Variants in AKAP9 observed in about 807,000 individuals in gnomAD.
The protein encoded by AKAP9 is A-kinase anchor protein 9.
A neutral mutation model predicts 488.5 loss-of-function variants in AKAP9; 311 were observed. The observed-to-expected ratio is 0.64, with a 90% CI of 0.58 to 0.70. The LOEUF is 0.70. AKAP9 is among the 30% of genes least tolerant of loss of function. The pLI is 0.00. For synonymous variants in AKAP9, 1,462 were observed against 1,483.5 expected (o/e 0.99, Z 0.33); for missense variants, 4,215 against 4,374.5 (o/e 0.96, Z 1.03).
chr7:92,058,196 A>T (rs983066740), intron 22 of AKAP9: 1 of 593,314 alleles, frequency 1.7e-6, no homozygotes, highest in African/African-American at 1.8e-5. Context: ...CTATTTGGCA[A>T]CTGTCAAAGT....
chr7:92,067,434 A>C (rs905735215), intron 26 of AKAP9, among the ~76,000 whole-genome samples: 32 of 144,870 alleles, frequency 2.2e-4, no homozygotes, highest in African/African-American at 8.4e-4. Flanking sequence ...ATTGCTGAGA[A>C]CTAGAATCAG....
chr7:92,080,414 C>T lies in AKAP9; in HGVS notation c.8019+262C>T, dbSNP rs950046883. Reference sequence around the variant, plus strand: ...GAGATCGAGACCATCCTGTCTAACACGGTGAAACCCCGTCTCTACTAAAAA... The same window carrying T: ...GAGATCGAGACCATCCTGTCTAACATGGTGAAACCCCGTCTCTACTAAAAA... On this transcript the variant is annotated intron_variant, in intron 31 of 49. Transcript: ENST00000356239. 9.9e-5 allele frequency among the ~76,000 whole-genome samples: 15 copies of T among 152,084 alleles called. No homozygotes were observed. In the East Asian group the frequency reaches 2.1e-3, roughly 22 times the overall value.
chr7:92,058,937 G>A (rs948539234), intron 22 of AKAP9, among the ~76,000 whole-genome samples: 3 of 151,770 alleles, frequency 2.0e-5, no homozygotes, highest in African/African-American at 4.8e-5. Flanking sequence ...ACCCTTTTCT[G>A]CTTTTTATAT....
chr7:92,052,609 TG>T, intron 21 of AKAP9, 116 bp from the exon 22 acceptor site: 1 of 682,680 alleles, frequency 1.5e-6, no homozygotes, highest in South Asian at 2.1e-5. Context: ...GTTGCAATAT[TG>T]TTTTAAAAGA....
At position 92,042,050 on chromosome 7, in the gene AKAP9, C is replaced by A. The variant is rs1306133822; in HGVS notation, c.4922C>A (p.Ser1641Tyr). The change falls in exon 19 of 50, where the codon TCC becomes TAC. Residue 1641 changes from serine to tyrosine, a missense_variant. By Grantham distance (144) the Ser-to-Tyr change is moderately radical. Coordinates refer to ENST00000356239, the MANE Select transcript of AKAP9 (RefSeq NM_005751.5). ...KRLNRQLAQRSSIDNENLVSE... is the reference protein window; with the variant it reads ...KRLNRQLAQRYSIDNENLVSE... ...ATGACCTTTTTTCTTATTTAGAGAT[C>A]CTCCATAGATAATGAAAACCTGGTT... 1 of 1,613,592 alleles carries A rather than the reference C, an allele frequency of 6.2e-7. No individual in the cohort carries two copies. The highest frequency in any genetic ancestry group is 1.7e-5 in the Admixed American group (1 of 59,964).
chr7:91,955,375 A>C (rs1270502278), intron 1 of AKAP9, among the ~76,000 whole-genome samples: 5 of 152,254 alleles, frequency 3.3e-5, no homozygotes, highest in Non-Finnish European at 7.3e-5. Context: ...AAGCATACAC[A>C]TACGAATATA....
At chr7:92,024,083 G>GCACATTTTA (rs1658599116) in intron 14 of AKAP9, among the ~76,000 whole-genome samples, 1 of 151,428 alleles carries the variant, frequency 6.6e-6, no homozygotes, top group South Asian at 2.1e-4. Context: ...TTATATGTAT[G>GCACATTTTA]TATACATTAT....
intron 35 of AKAP9, 70 bp from the exon 36 acceptor site, chr7:92,085,425 G>GTT (rs1044593364): frequency 1.3e-5 from 18 of 1,413,666 alleles, no homozygotes; most frequent in Non-Finnish European, 1.8e-5. Context: ...ATTTATTTCT[G>GTT]TTTGTAAGTC....
intron 1 of AKAP9, among the ~76,000 whole-genome samples, chr7:91,942,533 G>A (rs961784851): frequency 6.6e-6 from 1 of 152,190 alleles, no homozygotes; most frequent in Non-Finnish European, 1.5e-5. Flanking sequence ...CGGAAGTAGT[G>A]GAGGTGAAGT....
chr7:92,109,713 G>A (rs1048918071), intron 49 of AKAP9, among the ~76,000 whole-genome samples: 10 of 152,118 alleles, frequency 6.6e-5, no homozygotes, highest in African/African-American at 1.4e-4. Context: ...CGAGGCAGGC[G>A]GATCACTAGG....
chr7:92,035,511 A>G (rs753072761), intron 16 of AKAP9, among the ~76,000 whole-genome samples: 69 of 152,344 alleles, frequency 4.5e-4, no homozygotes, highest in African/African-American at 1.3e-3. Flanking sequence ...TATGCTGACA[A>G]TGAGTTCAAC....
chr7:92,078,057 T>G (rs1276254780), intron 30 of AKAP9, among the ~76,000 whole-genome samples, 182 bp downstream of exon 30: 1 of 152,072 alleles, frequency 6.6e-6, no homozygotes. Flanking sequence ...AGTCCAATGG[T>G]GCAACCTCGG....
rs1443552288 is a variant in AKAP9 at position 92,079,779 on chromosome 7, A to C, written c.7646A>C (p.Glu2549Ala). 6.2e-7 allele frequency: 1 copy of C among 1,614,088 alleles called. No homozygotes were observed. The highest frequency in any genetic ancestry group is 8.5e-7 in the Non-Finnish European group (1 of 1,179,984). The change falls in exon 31 of 50, where the codon GAA becomes GCA. Residue 2549 changes from glutamate to alanine, a missense_variant. Physicochemically the swap from Glu to Ala is moderately radical, Grantham distance 107. Transcript: ENST00000356239. Reference protein sequence around the residue: ...KIVNLQKIVEEKVAAALVSQI... With the variant: ...KIVNLQKIVEAKVAAALVSQI... ...GTAAACCTACAGAAAATAGTTGAAG[A>C]AAAAGTGGCTGCTGCTCTTGTCAGT...
At chr7:92,035,509 C>A (rs1410691750) in intron 16 of AKAP9, among the ~76,000 whole-genome samples, 1 of 152,158 alleles carries the variant, frequency 6.6e-6, no homozygotes, top group Non-Finnish European at 1.5e-5. Context: ...GGTATGCTGA[C>A]AATGAGTTCA....
At position 92,081,497 on chromosome 7, in the gene AKAP9, A is replaced by ATTTT. The variant is rs376611467; in HGVS notation, c.8020-1015_8020-1012dup. ...TTTATATATATATATATATATATAT[A>ATTTT]TTTTTTTTTTTTTAGTAGAGACGAG... On this transcript the variant is annotated intron_variant, in intron 31 of 49. Transcript: ENST00000356239. Among the ~76,000 whole-genome samples, 666 of 85,320 alleles carry ATTTT rather than the reference A, an allele frequency of 7.8e-3. 25 individuals carry two copies. The highest frequency in any genetic ancestry group is 0.059 in the Admixed American group (418 of 7,110). The allele number at this position is 85,320 out of a possible 152,430, so 56.0% of individuals were successfully genotyped here. A position where few individuals can be genotyped will look rare whatever the true frequency, so the allele number is the denominator to read the frequency against.
intron 26 of AKAP9, among the ~76,000 whole-genome samples, chr7:92,069,256 G>A (rs945049510): frequency 2.0e-4 from 30 of 152,176 alleles, no homozygotes. Context: ...ATCAGTACCT[G>A]CAAATTTGTC....
At chr7:92,000,038 G>A (rs1798948785) in intron 7 of AKAP9, among the ~76,000 whole-genome samples, 2 of 152,352 alleles carry the variant, frequency 1.3e-5, no homozygotes, top group Admixed American at 1.3e-4. Flanking sequence ...AGTTACTGAA[G>A]CAAAACTTTG....
intron 28 of AKAP9, among the ~76,000 whole-genome samples, chr7:92,075,034 A>G (rs1275610892): frequency 1.3e-5 from 2 of 152,156 alleles, no homozygotes; most frequent in East Asian, 1.9e-4. Context: ...AAAGGAATAT[A>G]TAATAGAGTT....
rs753577382 is a variant in AKAP9 at position 92,016,284 on chromosome 7, A to AT, written c.3751+18dup. 4 of 1,482,664 alleles carry AT rather than the reference A, an allele frequency of 2.7e-6. No individual in the cohort carries two copies. The African/African-American group carries it at 4.2e-5, about 15-fold the overall frequency. 91.8% of individuals were successfully genotyped at this position (1,482,664 alleles called of 1,614,324 possible). ...AAGTTCAAGGTAATAAAAGCTTACC[A>AT]TACTATTAAACAGTATTTAATCCTC... On this transcript the variant is annotated intron_variant, in intron 11 of 49. Transcript: ENST00000356239.
Sources: gnomAD v4.1 joint callset for allele counts (sites outside exome capture counted in the v4.1 genomes callset) on GRCh38, gnomAD v4.1.1 for gene constraint, MANE v1.5 for transcripts, NCBI Gene and HGNC (gene_info 2026-07-23, HGNC 2026-07-21) for gene names.